The following SUMF1 variants were observed in gnomAD, a reference collection of about 807,000 sequenced individuals.
SUMF1 encodes formylglycine-generating enzyme.
Under a neutral mutation model 47.6 loss-of-function variants are expected in SUMF1, and 48 were observed. The observed-to-expected ratio is 1.01, with a 90% CI of 0.80 to 1.28. SUMF1 has a LOEUF of 1.28. Among genes scored for constraint, SUMF1 ranks in the 50% most tolerant of loss-of-function variants. The pLI, the probability that SUMF1 is intolerant of heterozygous loss-of-function variation, is 0.00. For synonymous variants in SUMF1, 230 were observed against 192.1 expected, an observed-to-expected ratio of 1.20 and a Z score of -1.63; for missense variants, 571 against 485.4, an observed-to-expected ratio of 1.18 and a Z score of -1.66.
At chr3:4,137,914 TACACACAC>T (rs61300596) in intron 8 of SUMF1, among the ~76,000 whole-genome samples, 4 of 142,106 alleles carry the variant, frequency 2.8e-5, no homozygotes, top group African/African-American at 1.1e-4. Context: ...ACACTAATAA[TACACACAC>T]ACACACACAC....
At chr3:4,323,713 A>C (rs1325948685) in intron 8 of SUMF1, among the ~76,000 whole-genome samples, 1 of 152,108 alleles carries the variant, frequency 6.6e-6, no homozygotes, top group Non-Finnish European at 1.5e-5. Context: ...GGCCCCAGGA[A>C]AATGCTACTC....
chr3:4,375,033 G>A (rs903649762), intron 8 of SUMF1, among the ~76,000 whole-genome samples: 2 of 150,704 alleles, frequency 1.3e-5, no homozygotes, highest in South Asian at 4.2e-4. Flanking sequence ...TTACTTAGGA[G>A]GCTGAGATGG....
At chr3:4,098,517 T>C (rs1692957620) in intron 8 of SUMF1, among the ~76,000 whole-genome samples, 1 of 152,154 alleles carries the variant, frequency 6.6e-6, no homozygotes, top group Non-Finnish European at 1.5e-5. Flanking sequence ...ACACCAGAAA[T>C]GCCCTTTGTG....
At chr3:4,179,735 C>G (rs1272688133) in intron 8 of SUMF1, among the ~76,000 whole-genome samples, 1 of 152,112 alleles carries the variant, frequency 6.6e-6, no homozygotes. Flanking sequence ...GCAAGAGAAA[C>G]TATCATCAGC....
At chr3:4,324,656 A>C (rs1698905005) in intron 8 of SUMF1, among the ~76,000 whole-genome samples, 1 of 152,194 alleles carries the variant, frequency 6.6e-6, no homozygotes, top group African/African-American at 2.4e-5. Context: ...ACATTTTTAC[A>C]TCAGATGAAG....
At chr3:4,037,787 G>T (rs1694825848) in intron 9 of SUMF1, among the ~76,000 whole-genome samples, 1 of 152,150 alleles carries the variant, frequency 6.6e-6, no homozygotes, top group African/African-American at 2.4e-5. Context: ...ACATGTGTGT[G>T]TTCCTTTAAC....
chr3:4,250,773 G>A (rs761125318), intron 8 of SUMF1, among the ~76,000 whole-genome samples: 1 of 152,178 alleles, frequency 6.6e-6, no homozygotes, highest in African/African-American at 2.4e-5. Flanking sequence ...ATGCAATCAT[G>A]TCTGTTTACA....
At chr3:4,282,155 T>A (rs1697542338) in intron 8 of SUMF1, among the ~76,000 whole-genome samples, 1 of 152,288 alleles carries the variant, frequency 6.6e-6, no homozygotes, top group East Asian at 1.9e-4. Context: ...AGTAACAATG[T>A]AGGAAAAATT....
chr3:4,253,744 T>C (rs313669), intron 8 of SUMF1, among the ~76,000 whole-genome samples: 86,575 of 137,102 alleles, frequency 0.63, 28,758 homozygotes, highest in African/African-American at 0.79. Flanking sequence ...GAAGCTCGAA[T>C]TGGGTGGAAC....
Position 4,068,830 on chromosome 3 carries a change from C to T in SUMF1, c.1015-85G>A, listed in dbSNP as rs537082785. The T allele has an allele frequency of 2.2e-5, 5 of 232,552 alleles. No homozygotes were observed. In the East Asian group the frequency reaches 5.6e-4, roughly 26 times the overall value. 14.4% of individuals were successfully genotyped at this position (232,552 alleles called of 1,614,324 possible). On this transcript the variant is annotated intron_variant and NMD_transcript_variant, in intron 8 of 12. Transcript: ENST00000448413. ...ATTTATTTGTCATGTGACAGGCATG[C>T]TAAATTTTAGAGAACTTACAGAACT... is the stretch of plus-strand genomic sequence containing the variant.
intron 8 of SUMF1, among the ~76,000 whole-genome samples, chr3:4,292,963 G>T (rs1697769265): frequency 6.6e-6 from 1 of 152,102 alleles, no homozygotes; most frequent in Admixed American, 6.5e-5. Flanking sequence ...AAGCTCATGG[G>T]TGAGTTCCAG....
At chr3:4,213,835 G>T (rs898429525) in intron 8 of SUMF1, among the ~76,000 whole-genome samples, 7 of 152,146 alleles carry the variant, frequency 4.6e-5, no homozygotes, top group Admixed American at 2.0e-4. Flanking sequence ...AATGGTAAAA[G>T]GATCAATGCA....
intron 6 of SUMF1, among the ~76,000 whole-genome samples, chr3:4,411,530 G>A (rs1701541974): frequency 6.6e-6 from 1 of 152,058 alleles, no homozygotes; most frequent in African/African-American, 2.4e-5. Context: ...CCATTATCAA[G>A]TGTATTGGTA....
At chr3:4,185,146 A>G (rs934626784) in intron 8 of SUMF1, among the ~76,000 whole-genome samples, 13 of 152,190 alleles carry the variant, frequency 8.5e-5, no homozygotes, top group African/African-American at 3.1e-4. Flanking sequence ...ATGTCTATGA[A>G]TTTCCCTAAA....
chr3:4,079,285 AG>A, intron 8 of SUMF1, among the ~76,000 whole-genome samples: 1 of 152,240 alleles, frequency 6.6e-6, no homozygotes, highest in South Asian at 2.1e-4. Flanking sequence ...TAGAGTTGGA[AG>A]GGTTTTTGGA....
chr3:4,359,135 T>C (rs1005584148), downstream of SUMF1, among the ~76,000 whole-genome samples: 4 of 152,248 alleles, frequency 2.6e-5, no homozygotes, highest in Admixed American at 2.6e-4. Context: ...GAACTTTTCT[T>C]AGTCCCATTT....
At position 4,183,362 on chromosome 3, in the gene SUMF1, TTTAA is replaced by T. The variant is rs143810041; in HGVS notation, c.1015-114621_1015-114618del. Among the ~76,000 whole-genome samples, 481 of 152,310 alleles carry T rather than the reference TTTAA, an allele frequency of 3.2e-3. 12 individuals are homozygous for T. The highest frequency in any genetic ancestry group is 0.027 in the East Asian group (141 of 5,180). ...AAAATGTGAAGCTGTGAATGATGCC[TTTAA>T]TTATAGTCCTGATGCTTTAGTTGCT... On this transcript the variant is annotated intron_variant and NMD_transcript_variant, in intron 8 of 12. Coordinates refer to the SUMF1 transcript ENST00000448413.
intron 8 of SUMF1, among the ~76,000 whole-genome samples, chr3:4,374,816 C>A (rs1421979014): frequency 6.6e-6 from 1 of 152,076 alleles, no homozygotes; most frequent in Non-Finnish European, 1.5e-5. Context: ...TATACGTGAA[C>A]ATGTAAATAT....
At chr3:4,417,046 G>T in intron 6 of SUMF1, 82 bp downstream of exon 6, 1 of 1,275,768 alleles carries the variant, frequency 7.8e-7, no homozygotes, top group Non-Finnish European at 1.1e-6. Context: ...GTCACAAAGT[G>T]AGCAATGCCT....
Sources: allele counts gnomAD v4.1 joint callset (sites outside exome capture counted in the v4.1 genomes callset), GRCh38; gene constraint gnomAD v4.1.1; transcripts MANE v1.5; gene names NCBI Gene and HGNC (gene_info 2026-07-23, HGNC 2026-07-21).